The following ITFG1 variants were observed in gnomAD, a reference collection of about 807,000 sequenced individuals.
ITFG1 encodes the protein T-cell immunomodulatory protein.
ITFG1 carries 34 observed loss-of-function variants against 81.8 expected under a neutral mutation model. The ratio of observed to expected loss-of-function variants is 0.42; its 90% CI spans 0.32 to 0.55. The LOEUF (loss-of-function observed/expected upper bound fraction) is 0.55. Among genes scored for constraint, ITFG1 ranks in the 20% least tolerant of loss-of-function variants. ITFG1 has a pLI of 0.17. For missense variants in ITFG1, 672 were observed against 755.4 expected, an observed-to-expected ratio of 0.89 and a Z score of 1.29; for synonymous variants, 285 against 270.6, an observed-to-expected ratio of 1.05 and a Z score of -0.52.
chr16:47,298,382 C>T (rs1967017267), intron 10 of ITFG1, among the ~76,000 whole-genome samples: 1 of 152,054 alleles, frequency 6.6e-6, no homozygotes, highest in Non-Finnish European at 1.5e-5. Flanking sequence ...TAACCCTTTG[C>T]TATTAAATAC....
chr16:47,248,039 A>G (rs1159196583), intron 12 of ITFG1, among the ~76,000 whole-genome samples: 1 of 151,896 alleles, frequency 6.6e-6, no homozygotes, highest in Non-Finnish European at 1.5e-5. Context: ...CATATGTAAC[A>G]TTACATACAT....
At chr16:47,378,677 T>C (rs1567479796) in intron 6 of ITFG1, among the ~76,000 whole-genome samples, 2 of 152,188 alleles carry the variant, frequency 1.3e-5, no homozygotes, top group South Asian at 2.1e-4. Context: ...AAATAGACTT[T>C]TTAAAAATAT....
chr16:47,267,476 AAT>A (rs1259756373), intron 10 of ITFG1, among the ~76,000 whole-genome samples: 5 of 152,348 alleles, frequency 3.3e-5, no homozygotes, highest in African/African-American at 4.8e-5. Context: ...CACGGATTCC[AAT>A]ATGTCTCTTT....
At chr16:47,200,491 TC>T (rs1187370485) in intron 14 of ITFG1, among the ~76,000 whole-genome samples, 11 of 152,312 alleles carry the variant, frequency 7.2e-5, no homozygotes, top group South Asian at 2.1e-4. Context: ...GAAGTTTATT[TC>T]CTACATTATA....
At chr16:47,228,765 T>G (rs1965784782) in intron 13 of ITFG1, among the ~76,000 whole-genome samples, 3 of 152,322 alleles carry the variant, frequency 2.0e-5, no homozygotes, top group African/African-American at 7.2e-5. Flanking sequence ...GATTAAAAAG[T>G]TAAGTCACCT....
At chr16:47,223,306 A>G (rs9745409) in intron 13 of ITFG1, among the ~76,000 whole-genome samples, 3,095 of 152,284 alleles carry the variant, frequency 0.02, 106 homozygotes, top group African/African-American at 0.07. Context: ...GCAACCTACA[A>G]AATGGGAGTA....
chr16:47,454,117 T>G lies in ITFG1; in HGVS notation c.323A>C (p.Tyr108Ser). 6.2e-7 allele frequency: 1 copy of G among 1,608,048 alleles called. No homozygotes were observed. The highest frequency in any genetic ancestry group is 8.5e-7 in the Non-Finnish European group (1 of 1,175,006). ...ALITSVVPGD[Y>S]DGDSQMDVLL... Reference sequence around the variant, plus strand: ...GACATCCATTTGAGAATCTCCATCATAATCCCCAGGGACTACACTTGTTAT... The same window carrying G: ...GACATCCATTTGAGAATCTCCATCAGAATCCCCAGGGACTACACTTGTTAT... The change falls in exon 3 of 18, where the codon TAT (tyrosine) becomes TCT (serine). Residue 108 changes from tyrosine (Y) to serine (S), a missense_variant. Coordinates refer to ENST00000320640, the MANE Select transcript of ITFG1 (RefSeq NM_030790.5).
At chr16:47,288,604 T>C (rs1966879363) in intron 10 of ITFG1, among the ~76,000 whole-genome samples, 1 of 152,226 alleles carries the variant, frequency 6.6e-6, no homozygotes, top group Non-Finnish European at 1.5e-5. Flanking sequence ...CAACAGCATT[T>C]ACTTTTGGTT....
chr16:47,417,700 A>G (rs1968891516), intron 6 of ITFG1, among the ~76,000 whole-genome samples: 1 of 152,198 alleles, frequency 6.6e-6, no homozygotes, highest in African/African-American at 2.4e-5. Flanking sequence ...GTTGATGCAA[A>G]TAACAGGCTT....
intron 14 of ITFG1, among the ~76,000 whole-genome samples, chr16:47,183,581 CTGTT>C (rs1346026244): frequency 1.3e-5 from 2 of 152,314 alleles, no homozygotes; most frequent in East Asian, 3.9e-4. Context: ...AGGGTCCTGT[CTGTT>C]AGAAGGAAAA....
chr16:47,301,226 T>C (rs536549730), intron 10 of ITFG1, among the ~76,000 whole-genome samples: 1 of 152,262 alleles, frequency 6.6e-6, no homozygotes, highest in Non-Finnish European at 1.5e-5. Context: ...TGATTCTTGG[T>C]GCAGATTTTC....
In ITFG1 at chr16:47,183,419, G is replaced by A. The variant is rs890166746; in HGVS notation, c.1454-20755C>T. ...AAGAGAGCAGTGGTTCTCCCAGCAC[G>A]CAGCTGGAGATCTGAGAACGGGCAG... On this transcript the variant is annotated intron_variant, in intron 14 of 17. Transcript: ENST00000320640. Among the ~76,000 whole-genome samples, 30 of 152,274 alleles carry A rather than the reference G, an allele frequency of 2.0e-4. No individual in the cohort carries two copies. The East Asian group carries it at 5.0e-3, about 25-fold the overall frequency.
At chr16:47,362,302 C>T (rs1490941514) in intron 8 of ITFG1, among the ~76,000 whole-genome samples, 1 of 152,164 alleles carries the variant, frequency 6.6e-6, no homozygotes, top group Non-Finnish European at 1.5e-5. Context: ...ATCAAAATCT[C>T]AGGCACCTCA....
At chr16:47,359,640 T>C (rs1180906596) in intron 8 of ITFG1, among the ~76,000 whole-genome samples, 1 of 152,218 alleles carries the variant, frequency 6.6e-6, no homozygotes, top group East Asian at 1.9e-4. Context: ...GTTACCTTTG[T>C]CCACAAAGCA....
At chr16:47,297,732 G>T (rs1967005934) in intron 10 of ITFG1, among the ~76,000 whole-genome samples, 1 of 150,732 alleles carries the variant, frequency 6.6e-6, no homozygotes, top group Non-Finnish European at 1.5e-5. Context: ...ACTCTGATAA[G>T]GTTTCTCTTA....
chr16:47,324,486 A>C (rs1967499519), intron 8 of ITFG1, among the ~76,000 whole-genome samples: 1 of 152,214 alleles, frequency 6.6e-6, no homozygotes, highest in Non-Finnish European at 1.5e-5. Context: ...ACACATAACA[A>C]TATTAACTTT....
chr16:47,315,661 C>A (rs1967342682), intron 8 of ITFG1, among the ~76,000 whole-genome samples: 1 of 151,974 alleles, frequency 6.6e-6, no homozygotes, highest in East Asian at 1.9e-4. Context: ...CTCGTGGAAA[C>A]AGCATAATCA....
intron 14 of ITFG1, among the ~76,000 whole-genome samples, chr16:47,179,222 A>C (rs1965068321): frequency 6.6e-6 from 1 of 152,218 alleles, no homozygotes; most frequent in Non-Finnish European, 1.5e-5. Context: ...CCATCCCATT[A>C]CTGGGTATAT....
At chr16:47,390,674 G>A (rs1044224716) in intron 6 of ITFG1, among the ~76,000 whole-genome samples, 2 of 152,004 alleles carry the variant, frequency 1.3e-5, no homozygotes, top group Non-Finnish European at 2.9e-5. Context: ...TGGCCAGGCT[G>A]GTCTCAAACT....
Sources: gnomAD v4.1 joint callset for allele counts (sites outside exome capture counted in the v4.1 genomes callset) on GRCh38, gnomAD v4.1.1 for gene constraint, MANE v1.5 for transcripts, NCBI Gene and HGNC (gene_info 2026-07-23, HGNC 2026-07-21) for gene names.